The following CC2D1B variants were observed in gnomAD, a reference collection of about 807,000 sequenced individuals.
The protein encoded by CC2D1B is coiled-coil and C2 domain-containing protein 1B.
A neutral mutation model predicts 110.8 loss-of-function variants in CC2D1B; 92 were observed. The ratio of observed to expected loss-of-function variants is 0.83; its 90% CI spans 0.70 to 0.99. The LOEUF (loss-of-function observed/expected upper bound fraction) is 0.99, where lower values mean the gene tolerates loss of function less well. Ranked by LOEUF, CC2D1B falls within the 50% of genes least tolerant of loss-of-function variation. The pLI, the probability that CC2D1B is intolerant of heterozygous loss-of-function variation, is 0.00. For missense variants in CC2D1B, 1,136 were observed against 1,089.0 expected (o/e 1.04, Z -0.61); for synonymous variants, 406 against 429.2 (o/e 0.95, Z 0.67).
intron 24 of CC2D1B, 122 bp downstream of exon 24, chr1:52,353,396 C>G: frequency 6.6e-7 from 1 of 1,521,610 alleles, no homozygotes; most frequent in Non-Finnish European, 8.8e-7. Flanking sequence ...TAAGCCCTAC[C>G]CAGCATGGTA....
chr1:52,357,194 C>A (rs1646672206), intron 15 of CC2D1B, 68 bp from the exon 16 acceptor site: 1 of 1,573,612 alleles, frequency 6.4e-7, no homozygotes, highest in Non-Finnish European at 8.7e-7. Flanking sequence ...CCAACAAAGG[C>A]AGGAGCCCAA....
chr1:52,357,482 A>G lies in CC2D1B; in HGVS notation c.1752+44T>C, dbSNP rs369641378. On this transcript the variant is annotated intron_variant, in intron 15 of 24. Coordinates refer to ENST00000284376, the MANE Select transcript of CC2D1B (RefSeq NM_001330585.2). ...CAGCCTGTCAAGCCTGCCAGCCGCC[A>G]CCTCCGCCTGAGAAGTCCTGGTGGT... The G allele has an allele frequency of 1.6e-4, 241 of 1,536,444 alleles. 2 individuals are homozygous for G. The highest frequency in any genetic ancestry group is 1.9e-4 in the Non-Finnish European group (217 of 1,136,182).
chr1:52,355,040 A>T, intron 21 of CC2D1B, 101 bp from the exon 22 acceptor site: 1 of 948,510 alleles, frequency 1.1e-6, no homozygotes, highest in Non-Finnish European at 1.7e-6. Flanking sequence ...CAATCTCTCC[A>T]CCTGCATTTT....
rs1204442410 is a variant in CC2D1B at position 52,359,869 on chromosome 1, G to A, written c.778C>T (p.Pro260Ser). 2 of 1,611,308 alleles carry A rather than the reference G, an allele frequency of 1.2e-6. No homozygotes were observed. Among genetic ancestry groups the A allele is most frequent in the Non-Finnish European group, 1.7e-6 (2 of 1,178,882 alleles). The change falls in exon 8 of 25, where the codon CCT becomes TCT. Residue 260 changes from proline to serine, a missense_variant. By Grantham distance (74) the Pro-to-Ser change is moderately conservative (BLOSUM62 -1). Transcript: ENST00000284376. ...GAAATGCCAGGGAGGCTGGTCTCAG[G>A]TTGGGAGGGGTTGTCTATAAGGAAA... ...PALESDNPSQ[P>S]ETSLPGISAQ...
In CC2D1B at chr1:52,353,058, C is replaced by T; in HGVS notation, c.*167G>A. On this transcript the variant is annotated 3_prime_UTR_variant, in exon 25 of 25. Transcript: ENST00000284376. Reference sequence around the variant, plus strand: ...TTCTGTAGAGCCCCAGAGGGGCCAACAACAGGAAAGACCAGAGTCGTGGTC... The same window carrying T: ...TTCTGTAGAGCCCCAGAGGGGCCAATAACAGGAAAGACCAGAGTCGTGGTC... The T allele has an allele frequency of 4.7e-6, 3 of 642,156 alleles. No homozygotes were observed. Among genetic ancestry groups the T allele is most frequent in the Non-Finnish European group, 7.4e-6 (3 of 402,864 alleles). The allele number at this position is 642,156 out of a possible 1,614,324, so 39.8% of individuals were successfully genotyped here. A position where few individuals can be genotyped will look rare whatever the true frequency, so the allele number is the denominator to read the frequency against.
At chr1:52,358,931 C>G in intron 11 of CC2D1B, 96 bp downstream of exon 11, 1 of 1,538,164 alleles carries the variant, frequency 6.5e-7, no homozygotes, top group Non-Finnish European at 8.8e-7. Flanking sequence ...GATGATGGTT[C>G]AGAAAAGACA....
chr1:52,365,077 A>G (rs1032258820), intron 1 of CC2D1B, among the ~76,000 whole-genome samples: 1 of 152,270 alleles, frequency 6.6e-6, no homozygotes, highest in Non-Finnish European at 1.5e-5. Context: ...GGCTATGACC[A>G]GACAGCACAC....
chr1:52,356,871 C>T, intron 16 of CC2D1B, 130 bp downstream of exon 16: 1 of 1,123,190 alleles, frequency 8.9e-7, no homozygotes, highest in Non-Finnish European at 1.2e-6. Context: ...GTGCCTTGCC[C>T]AAGTCACACA....
rs1646705933 is a variant in CC2D1B at position 52,358,569 on chromosome 1, G to A, written c.1331-108C>T. 1.1e-5 allele frequency: 18 copies of A among 1,582,942 alleles called. No individual in the cohort carries two copies. In the Middle Eastern group the frequency reaches 8.4e-4, roughly 74 times the overall value. Reference sequence around the variant, plus strand: ...GCTCTGCTGGGGCATGGCTGGGATGGATGGCTCCACAGAGGGGAGGCAGAC... The same window carrying A: ...GCTCTGCTGGGGCATGGCTGGGATGAATGGCTCCACAGAGGGGAGGCAGAC... On this transcript the variant is annotated intron_variant, in intron 12 of 24. Coordinates refer to ENST00000284376, the MANE Select transcript of CC2D1B (RefSeq NM_001330585.2).
At position 52,358,322 on chromosome 1, in the gene CC2D1B, C is replaced by T. The variant is rs749510361; in HGVS notation, c.1461+9G>A. ...CCCACCAGCCCTGGAGTTGAGCCCT[C>T]AACCAAACCTCGTCCTCGTCTTTAT... On this transcript the variant is annotated intron_variant, in intron 13 of 24. Transcript: ENST00000284376. The T allele has an allele frequency of 2.0e-5, 33 of 1,612,024 alleles. No individual in the cohort carries two copies. Among genetic ancestry groups the T allele is most frequent in the South Asian group, 1.1e-5 (1 of 90,752 alleles).
chr1:52,364,686 C>G, intron 1 of CC2D1B, 52 bp from the exon 2 acceptor site: 5 of 1,225,870 alleles, frequency 4.1e-6, no homozygotes, highest in Non-Finnish European at 5.9e-6. Flanking sequence ...AGCCACGCCC[C>G]CAACAGTGCT....
At chr1:52,360,300 C>G (rs994447500) in intron 6 of CC2D1B, 67 bp from the exon 7 acceptor site, 40 of 1,600,466 alleles carry the variant, frequency 2.5e-5, no homozygotes, top group Non-Finnish European at 3.3e-5. Flanking sequence ...CCAAGACAGG[C>G]CAGGGGTGGC....
Position 52,355,405 on chromosome 1 carries a change from G to GTT in CC2D1B, c.2230_2231dup (p.Asn744LysfsTer12). The GTT allele has an allele frequency of 6.2e-7, 1 of 1,614,120 alleles. No individual in the cohort carries two copies. The highest frequency in any genetic ancestry group is 8.5e-7 in the Non-Finnish European group (1 of 1,180,022). On this transcript the variant is annotated frameshift_variant, in exon 21 of 25. Coordinates refer to ENST00000284376, the MANE Select transcript of CC2D1B (RefSeq NM_001330585.2). LOFTEE classifies it high-confidence loss of function. The stretch of plus-strand genomic sequence containing the variant: ...CCCACGTGTGGCCCTCACCTGGAGA[G>GTT]TTTGTGTTCTTCACCACAGCTGTTT...
chr1:52,364,554 G>C lies in CC2D1B; in HGVS notation c.67C>G (p.Gln23Glu). 6.2e-7 allele frequency: 1 copy of C among 1,600,356 alleles called. No individual in the cohort carries two copies. The change falls in exon 2 of 25, where the codon CAG becomes GAG. Residue 23 changes from glutamine (Q) to glutamate (E), a missense_variant and splice_region_variant. Gln to Glu is a conservative substitution (Grantham distance 29). Transcript: ENST00000284376. Reference protein sequence around the residue: ...ARGQGVAAAKQMGLFMEFGPE... With the variant: ...ARGQGVAAAKEMGLFMEFGPE... ...GCCTAGAAGGCTAAGTTCCATACCTGCTTGGCAGCGGCCACCCCTTGGCCT... is the reference window on the plus strand; with the variant it reads ...GCCTAGAAGGCTAAGTTCCATACCTCCTTGGCAGCGGCCACCCCTTGGCCT...
At chr1:52,365,646 G>A (rs1557559224) in intron 1 of CC2D1B, among the ~76,000 whole-genome samples, 1 of 152,374 alleles carries the variant, frequency 6.6e-6, no homozygotes. Context: ...GAAAGAAGTG[G>A]CGGGATCGTA....
intron 13 of CC2D1B, 115 bp downstream of exon 13, chr1:52,358,216 A>G (rs1265136315): frequency 7.0e-7 from 1 of 1,422,780 alleles, no homozygotes; most frequent in Non-Finnish European, 9.5e-7. Flanking sequence ...TTCTCTGTAC[A>G]GTGGAGGAAA....
intron 16 of CC2D1B, 175 bp downstream of exon 16, chr1:52,356,826 C>T (rs1646663356): frequency 4.2e-6 from 3 of 708,464 alleles, no homozygotes; most frequent in Non-Finnish European, 6.9e-6. Context: ...ATCACCCCAT[C>T]TCATAGATGA....
rs765726049 is a variant in CC2D1B at position 52,359,153 on chromosome 1, G to C, written c.1131C>G (p.Ala377=). 1.2e-5 allele frequency: 20 copies of C among 1,609,940 alleles called. No homozygotes were observed. The highest frequency in any genetic ancestry group is 1.7e-5 in the Non-Finnish European group (20 of 1,178,494). ...CCAGCACTGTCTGTGACTCTGTAGG[G>C]GCCACTTGAAGGAAAGAAGGAAGAA... The part of the protein sequence containing the change: ...MAPDVPATPV[A]PTESQTVLDA... The change falls in exon 11 of 25, where the codon GCC becomes GCG. Residue 377 remains alanine, a synonymous_variant. Transcript: ENST00000284376.
At chr1:52,358,595 G>T in intron 12 of CC2D1B, 91 bp downstream of exon 12, 1 of 1,560,242 alleles carries the variant, frequency 6.4e-7, no homozygotes, top group Non-Finnish European at 8.8e-7. Context: ...GGAGGCAGAC[G>T]CATGAGAAGT....
Sources: gnomAD v4.1 joint callset for allele counts (sites outside exome capture counted in the v4.1 genomes callset) on GRCh38, gnomAD v4.1.1 for gene constraint, MANE v1.5 for transcripts, NCBI Gene and HGNC (gene_info 2026-07-23, HGNC 2026-07-21) for gene names.